The following NDUFAF7 variants were observed in gnomAD, a reference collection of about 807,000 sequenced individuals.
The protein encoded by NDUFAF7 is NADH:ubiquinone oxidoreductase complex assembly factor 7.
In NDUFAF7, 48 loss-of-function variants were observed where a neutral mutation model predicts 47.2. The observed-to-expected ratio is 1.02, with a 90% CI of 0.81 to 1.29. The LOEUF is 1.29. Ranked by LOEUF, NDUFAF7 falls within the 50% of genes most tolerant of loss-of-function variation. The probability of loss-of-function intolerance (pLI) is 0.00; values close to 1 mark genes in which losing one functional copy is unlikely to be tolerated. For synonymous variants in NDUFAF7, 217 were observed against 190.0 expected, an observed-to-expected ratio of 1.14 and a Z score of -1.17; for missense variants, 635 against 537.6, an observed-to-expected ratio of 1.18 and a Z score of -1.79.
intron 9 of NDUFAF7, 68 bp downstream of exon 9, chr2:37,247,697 A>C: frequency 6.4e-7 from 1 of 1,553,550 alleles, no homozygotes; most frequent in South Asian, 1.1e-5. Flanking sequence ...TTTAAATAGT[A>C]TGTTCACCTG....
chr2:37,270,721 G>A, the NDUFAF7 span, among the ~76,000 whole-genome samples: 1 of 152,092 alleles, frequency 6.6e-6, no homozygotes, highest in Non-Finnish European at 1.5e-5. Flanking sequence ...AAATTTTAAG[G>A]TTTGTAAGAA....
At position 37,242,683 on chromosome 2, in the gene NDUFAF7, A is replaced by G; in HGVS notation, c.671A>G (p.His224Arg). The change falls in exon 6 of 10, where the codon CAT (histidine) becomes CGT (arginine). Residue 224 changes from histidine (H) to arginine (R), a missense_variant. Transcript: ENST00000002125. The part of the protein sequence containing the change: ...AHEFFDVLPV[H>R]KFQKTPQGWR... Reference sequence around the variant, plus strand: ...GAATTTTTTGATGTTCTTCCTGTGCATAAATTTCAGGTATTGAGGGGGGAA... The same window carrying G: ...GAATTTTTTGATGTTCTTCCTGTGCGTAAATTTCAGGTATTGAGGGGGGAA... 1 of 1,601,752 alleles carries G rather than the reference A, an allele frequency of 6.2e-7. No homozygotes were observed. Among genetic ancestry groups the G allele is most frequent in the Non-Finnish European group, 8.6e-7 (1 of 1,169,086 alleles).
At chr2:37,235,403 C>G (rs563871678) in intron 2 of NDUFAF7, among the ~76,000 whole-genome samples, 5 of 152,084 alleles carry the variant, frequency 3.3e-5, no homozygotes, top group Non-Finnish European at 7.4e-5. Flanking sequence ...ACATCACCAG[C>G]AGGCAGGGCC....
At chr2:37,253,601 T>G (rs1007365356), downstream of NDUFAF7, among the ~76,000 whole-genome samples, 4 of 152,192 alleles carry the variant, frequency 2.6e-5, no homozygotes, top group African/African-American at 9.6e-5. Flanking sequence ...AAAATTTGCT[T>G]CAGGCTTCTT....
At chr2:37,267,346 TAAAAA>T in the NDUFAF7 span, 27 of 784,862 alleles carry the variant, frequency 3.4e-5, no homozygotes, top group Admixed American at 2.5e-4. Flanking sequence ...TTTGCCTTCT[TAAAAA>T]AAAAAAAAAA....
At chr2:37,266,958 AAC>A in the NDUFAF7 span, among the ~76,000 whole-genome samples, 2 of 152,236 alleles carry the variant, frequency 1.3e-5, no homozygotes, top group Non-Finnish European at 1.5e-5. Context: ...CTAGATGAAA[AAC>A]ACATAGGAAT....
intron 5 of NDUFAF7, 107 bp downstream of exon 5, chr2:37,241,898 C>G (rs1666390272): frequency 1.0e-6 from 1 of 981,414 alleles, no homozygotes; most frequent in Admixed American, 2.2e-5. Flanking sequence ...TTACTGCTGC[C>G]AAGTCCCTTA....
In NDUFAF7 at chr2:37,231,683, C is replaced by T. The variant is rs532720120; in HGVS notation, c.-23C>T. On this transcript the variant is annotated 5_prime_UTR_variant, in exon 1 of 10. Coordinates refer to ENST00000002125, the MANE Select transcript of NDUFAF7 (RefSeq NM_144736.5). ...GTCTAAGCCCCAGCTCCTGGCGGAGCGAGCTAGCCTGCGAATTTCAGCATG... is the reference window on the plus strand; with the variant it reads ...GTCTAAGCCCCAGCTCCTGGCGGAGTGAGCTAGCCTGCGAATTTCAGCATG... The T allele has an allele frequency of 4.3e-6, 7 of 1,614,216 alleles. No individual in the cohort carries two copies. Among genetic ancestry groups the T allele is most frequent in the East Asian group, 2.2e-5 (1 of 44,886 alleles).
downstream of NDUFAF7, among the ~76,000 whole-genome samples, chr2:37,249,558 G>GACACACATAC (rs1667284950): frequency 7.8e-6 from 1 of 128,422 alleles, no homozygotes; most frequent in Non-Finnish European, 1.6e-5. Context: ...GCCTGTGATA[G>GACACACATAC]ACACACACAC....
At chr2:37,251,096 G>A (rs1176890864), downstream of NDUFAF7, 8 of 152,608 alleles carry the variant, frequency 5.2e-5, no homozygotes, top group African/African-American at 1.9e-4. Context: ...TAGATTGATT[G>A]CCTAGTGACT....
Position 37,246,312 on chromosome 2 carries a change from A to G in NDUFAF7, c.936+117A>G, listed in dbSNP as rs539406257. The stretch of plus-strand genomic sequence containing the variant: ...GTTGTATTACATTATTTTATAGTTA[A>G]CATTAATTCATGTTATTGTAATTCC... On this transcript the variant is annotated intron_variant, in intron 8 of 9. Coordinates refer to ENST00000002125, the MANE Select transcript of NDUFAF7 (RefSeq NM_144736.5). The G allele has an allele frequency of 2.5e-6, 3 of 1,196,440 alleles. No individual in the cohort carries two copies. The East Asian group carries it at 7.5e-5, about 30-fold the overall frequency. 74.1% of individuals were successfully genotyped at this position (1,196,440 alleles called of 1,614,324 possible). A position where few individuals can be genotyped will look rare whatever the true frequency, so the allele number is the denominator to read the frequency against.
At chr2:37,260,697 C>A in the NDUFAF7 span, among the ~76,000 whole-genome samples, 1 of 152,084 alleles carries the variant, frequency 6.6e-6, no homozygotes, top group Admixed American at 6.5e-5. Context: ...TCATGCTTTC[C>A]CTGAATAGGC....
intron 8 of NDUFAF7, among the ~76,000 whole-genome samples, chr2:37,246,502 C>G (rs999369022): frequency 3.9e-5 from 6 of 152,254 alleles, no homozygotes; most frequent in Admixed American, 3.9e-4. Context: ...CATTCTTAAA[C>G]CTATCTGTAA....
At chr2:37,237,636 A>G (rs1665933466) in intron 3 of NDUFAF7, 121 bp from the exon 4 acceptor site, 2 of 719,022 alleles carry the variant, frequency 2.8e-6, no homozygotes, top group Non-Finnish European at 4.9e-6. Context: ...AACAACATAC[A>G]TATGGCTGTA....
At chr2:37,262,474 T>A in the NDUFAF7 span, among the ~76,000 whole-genome samples, 1 of 152,236 alleles carries the variant, frequency 6.6e-6, no homozygotes, top group African/African-American at 2.4e-5. Flanking sequence ...CTAATCATTT[T>A]AAACCCATTT....
intron 8 of NDUFAF7, 94 bp from the exon 9 acceptor site, chr2:37,247,362 C>T: frequency 7.0e-7 from 1 of 1,424,938 alleles, no homozygotes; most frequent in South Asian, 1.2e-5. Flanking sequence ...TCACCTCAAG[C>T]ATTAATGTAA....
At chr2:37,271,227 T>C in the NDUFAF7 span, among the ~76,000 whole-genome samples, 3 of 152,250 alleles carry the variant, frequency 2.0e-5, no homozygotes, top group East Asian at 5.8e-4. Flanking sequence ...TTTTCTAGCC[T>C]GTTTTCTCTC....
chr2:37,233,044 A>T (rs1436655742), intron 2 of NDUFAF7, among the ~76,000 whole-genome samples: 1 of 152,162 alleles, frequency 6.6e-6, no homozygotes, highest in East Asian at 1.9e-4. Context: ...GGGCTGCAAG[A>T]TAGGTGGCTT....
chr2:37,250,168 G>A (rs1442305290), downstream of NDUFAF7, among the ~76,000 whole-genome samples: 1 of 151,792 alleles, frequency 6.6e-6, no homozygotes, highest in Non-Finnish European at 1.5e-5. Context: ...GAAGACGGAG[G>A]CCTTGCTTTT....
Sources: allele counts gnomAD v4.1 joint callset (sites outside exome capture counted in the v4.1 genomes callset), GRCh38; gene constraint gnomAD v4.1.1; transcripts MANE v1.5; gene names NCBI Gene and HGNC (gene_info 2026-07-23, HGNC 2026-07-21).